Variants in DTD1 observed in about 807,000 individuals in gnomAD.
DTD1 encodes the protein D-tyrosyl-tRNA deacylase 1 homolog.
In DTD1, 13 loss-of-function variants were observed where a neutral mutation model predicts 25.6. That is an observed-to-expected ratio of 0.51 (90% CI 0.33 to 0.81). The LOEUF is 0.81. DTD1 is among the 30% of genes least tolerant of loss of function. DTD1 has a pLI of 0.02. For missense variants in DTD1, 193 were observed against 266.4 expected, an observed-to-expected ratio of 0.72 and a Z score of 1.92; for synonymous variants, 110 against 103.6, an observed-to-expected ratio of 1.06 and a Z score of -0.37.
intron 3 of DTD1, among the ~76,000 whole-genome samples, chr20:18,618,565 A>C (rs1308998480): frequency 6.7e-6 from 1 of 149,876 alleles, no homozygotes; most frequent in Non-Finnish European, 1.5e-5. Flanking sequence ...TATAATACAT[A>C]TTAATACATA....
intron 5 of DTD1, among the ~76,000 whole-genome samples, chr20:18,754,222 T>C (rs1364555720): frequency 6.6e-6 from 1 of 152,234 alleles, no homozygotes; most frequent in Admixed American, 6.5e-5. Flanking sequence ...TTACGTGGGC[T>C]GTGAAGGGTT....
At chr20:18,634,470 C>G (rs1600334012) in intron 4 of DTD1, among the ~76,000 whole-genome samples, 1 of 152,228 alleles carries the variant, frequency 6.6e-6, no homozygotes, top group Non-Finnish European at 1.5e-5. Context: ...AATGAACTTT[C>G]AAGTATACAT....
intron 4 of DTD1, among the ~76,000 whole-genome samples, chr20:18,657,502 A>C (rs186830692): frequency 6.6e-6 from 1 of 152,364 alleles, no homozygotes; most frequent in Admixed American, 6.5e-5. Flanking sequence ...ACCTTAGCTA[A>C]TTGGGTTGCC....
intron 4 of DTD1, chr20:18,632,397 G>A (rs1600332746): frequency 1.0e-6 from 1 of 985,472 alleles, no homozygotes; most frequent in Non-Finnish European, 1.2e-6. Flanking sequence ...AGTAGGTGGC[G>A]GTGGGTAGGC....
chr20:18,651,854 G>A (rs78044371), intron 4 of DTD1, among the ~76,000 whole-genome samples: 65 of 152,342 alleles, frequency 4.3e-4, no homozygotes, highest in Non-Finnish European at 9.3e-4. Flanking sequence ...AGGGCATAGG[G>A]CTTGCCAGAT....
intron 5 of DTD1, among the ~76,000 whole-genome samples, chr20:18,748,106 A>G (rs1025594396): frequency 6.6e-6 from 1 of 152,136 alleles, no homozygotes; most frequent in Non-Finnish European, 1.5e-5. Flanking sequence ...CGGGAGAGGG[A>G]GAAACATACA....
chr20:18,682,447 C>A (rs576457639), intron 4 of DTD1, among the ~76,000 whole-genome samples: 2 of 152,244 alleles, frequency 1.3e-5, no homozygotes, highest in African/African-American at 4.8e-5. Flanking sequence ...TTACCATATC[C>A]CACCCAGTAT....
chr20:18,636,546 C>T (rs2060808074), intron 4 of DTD1, among the ~76,000 whole-genome samples: 1 of 152,180 alleles, frequency 6.6e-6, no homozygotes, highest in Admixed American at 6.5e-5. Context: ...TGCCAGCTTG[C>T]CGCAGTATAG....
intron 4 of DTD1, among the ~76,000 whole-genome samples, chr20:18,695,069 T>C (rs1600374158): frequency 2.6e-5 from 4 of 152,178 alleles, no homozygotes; most frequent in Non-Finnish European, 5.9e-5. Flanking sequence ...GTTCTGCGAA[T>C]GTGTCCTGCA....
At chr20:18,629,321 G>A (rs1418263305) in intron 4 of DTD1, among the ~76,000 whole-genome samples, 1 of 40,098 alleles carries the variant, frequency 2.5e-5, no homozygotes, top group Non-Finnish European at 5.8e-5. Context: ...TTTTTTTTGA[G>A]ACAGGGTCTT....
chr20:18,595,085 C>T (rs1236879733), intron 2 of DTD1, among the ~76,000 whole-genome samples: 1 of 152,120 alleles, frequency 6.6e-6, no homozygotes, highest in Non-Finnish European at 1.5e-5. Context: ...CAAATCTGAC[C>T]CTATAGATGT....
At chr20:18,736,075 CAG>C in intron 4 of DTD1, among the ~76,000 whole-genome samples, 1 of 152,270 alleles carries the variant, frequency 6.6e-6, no homozygotes, top group East Asian at 1.9e-4. Flanking sequence ...TCCTTCCTTT[CAG>C]GGATTTCCGG....
At chr20:18,642,894 C>T (rs2060834593) in intron 4 of DTD1, 2 of 135,154 alleles carry the variant, frequency 1.5e-5, no homozygotes, top group Non-Finnish European at 3.2e-5. Context: ...CTCTGGAGCA[C>T]CAATTTCTTT....
intron 4 of DTD1, chr20:18,678,833 C>T (rs1204294561): frequency 1.3e-5 from 2 of 152,054 alleles, no homozygotes; most frequent in African/African-American, 4.8e-5. Flanking sequence ...TATCACATTC[C>T]TTGATAGAGA....
rs1032916849 is a variant in DTD1, at chr20:18,628,230, G to A, written c.474G>A (p.Lys158=). The change falls in exon 4 of 6, where the codon AAG becomes AAA. Residue 158 remains lysine, a synonymous_variant. Coordinates refer to ENST00000377452, the MANE Select transcript of DTD1 (RefSeq NM_080820.6). ...PAPGTATSDP[K]QLSKLEKQQQ... ...CCGGCACTGCTACCTCTGACCCAAA[G>A]CAGGTAAGCCTGGAGTCTGGTGCCT... 8.1e-6 allele frequency: 13 copies of A among 1,612,770 alleles called. No homozygotes were observed. The East Asian group carries it at 2.0e-4, about 25-fold the overall frequency.
chr20:18,686,252 C>G (rs769387687), intron 4 of DTD1, among the ~76,000 whole-genome samples: 13 of 152,240 alleles, frequency 8.5e-5, no homozygotes, highest in Non-Finnish European at 1.6e-4. Context: ...TCTTCTCTAG[C>G]ATGATTATAA....
At chr20:18,678,025 C>T (rs2060983059) in intron 4 of DTD1, among the ~76,000 whole-genome samples, 1 of 152,220 alleles carries the variant, frequency 6.6e-6, no homozygotes, top group Non-Finnish European at 1.5e-5. Context: ...ATGCAGGTTT[C>T]ACTGAGATTT....
chr20:18,714,951 C>T (rs1245224297), intron 4 of DTD1, among the ~76,000 whole-genome samples: 1 of 152,078 alleles, frequency 6.6e-6, no homozygotes, highest in Non-Finnish European at 1.5e-5. Context: ...GTCTATTGTC[C>T]AGGGCTTTTA....
chr20:18,762,941 T>A (rs2061368604), intron 5 of DTD1, among the ~76,000 whole-genome samples: 1 of 152,204 alleles, frequency 6.6e-6, no homozygotes, highest in African/African-American at 2.4e-5. Flanking sequence ...GATAACCTTT[T>A]TCTTTTGTAA....
Sources: allele counts gnomAD v4.1 joint callset (sites outside exome capture counted in the v4.1 genomes callset), GRCh38; gene constraint gnomAD v4.1.1; transcripts MANE v1.5; gene names NCBI Gene and HGNC (gene_info 2026-07-23, HGNC 2026-07-21).